Variants in SAMHD1 observed in about 807,000 individuals in gnomAD.
SAMHD1 encodes deoxynucleoside triphosphate triphosphohydrolase SAMHD1.
A neutral mutation model predicts 79.6 loss-of-function variants in SAMHD1; 54 were observed. The observed-to-expected ratio is 0.68, with a 90% confidence interval of 0.55 to 0.85. The LOEUF (loss-of-function observed/expected upper bound fraction) is 0.85. SAMHD1 is among the 40% of genes least tolerant of loss of function. SAMHD1 has a pLI of 0.00. For missense variants in SAMHD1, 663 were observed against 782.7 expected, an observed-to-expected ratio of 0.85 and a Z score of 1.82; for synonymous variants, 260 against 264.1, an observed-to-expected ratio of 0.98 and a Z score of 0.15.
At chr20:36,911,529 G>A in intron 10 of SAMHD1, 196 bp from the exon 11 acceptor site, 1 of 567,170 alleles carries the variant, frequency 1.8e-6, no homozygotes, top group Non-Finnish European at 3.2e-6. Context: ...TCCAGGCACT[G>A]TCGCAGGGCT....
Position 36,951,659 on chromosome 20 carries a change from C to T in SAMHD1, c.-16G>A, listed in dbSNP as rs1229268335. On this transcript the variant is annotated 5_prime_UTR_variant, in exon 1 of 16. Coordinates refer to ENST00000646673, the MANE Select transcript of SAMHD1 (RefSeq NM_015474.4). ...CTCGCTGCATGGCTACACCTGGCGT[C>T]CGGCACAGCAGTCAAGAACCTCGGC... is the stretch of plus-strand genomic sequence containing the variant. 2.5e-6 allele frequency: 4 copies of T among 1,612,626 alleles called. No homozygotes were observed. The highest frequency in any genetic ancestry group is 1.7e-5 in the Admixed American group (1 of 60,030).
intron 3 of SAMHD1, 154 bp from the exon 4 acceptor site, chr20:36,935,343 T>A: frequency 1.5e-6 from 1 of 672,750 alleles, no homozygotes; most frequent in Non-Finnish European, 2.6e-6. Flanking sequence ...ATCATTACCT[T>A]ATTTAGGTAT....
At chr20:36,894,956 T>C (rs1237517135) in intron 15 of SAMHD1, among the ~76,000 whole-genome samples, 1 of 151,920 alleles carries the variant, frequency 6.6e-6, no homozygotes, top group Non-Finnish European at 1.5e-5. Context: ...CATTGCAGCC[T>C]CAGACTCCTA....
downstream of SAMHD1, chr20:36,889,869 TAACA>T (rs1990017768): frequency 7.2e-5 from 11 of 152,876 alleles, no homozygotes; most frequent in Admixed American, 7.2e-4. Flanking sequence ...CCCCAACTCT[TAACA>T]TTTTCATGTA....
chr20:36,931,545 G>A (rs905788651), intron 4 of SAMHD1, among the ~76,000 whole-genome samples: 1 of 152,126 alleles, frequency 6.6e-6, no homozygotes, highest in Admixed American at 6.6e-5. Flanking sequence ...GCTGAGGCAG[G>A]AGAATTGCTT....
rs567297100 is a variant in SAMHD1 at position 36,906,137 on chromosome 20, G to T, written c.1271-634C>A. ...ATTTATTGTTGACATGTTTTATTTT[G>T]TCTTTAAGAAAGAATGGTGGCTAGG... On this transcript the variant is annotated intron_variant, in intron 11 of 15. Coordinates refer to ENST00000646673, the MANE Select transcript of SAMHD1 (RefSeq NM_015474.4). Among the ~76,000 whole-genome samples the T allele has an allele frequency of 1.9e-3, 287 of 152,098 alleles. 1 individual carries two copies. The highest frequency in any genetic ancestry group is 6.4e-3 in the African/African-American group (267 of 41,524).
intron 11 of SAMHD1, among the ~76,000 whole-genome samples, chr20:36,905,898 G>A (rs905201823): frequency 4.6e-5 from 7 of 151,788 alleles, no homozygotes; most frequent in Non-Finnish European, 1.0e-4. Context: ...GCTTGACCCC[G>A]GAAAGTGGAG....
chr20:36,900,868 G>A (rs763052706), intron 13 of SAMHD1, among the ~76,000 whole-genome samples: 18 of 151,952 alleles, frequency 1.2e-4, no homozygotes, highest in Non-Finnish European at 1.8e-4. Context: ...CACCGTGCCC[G>A]GCCTATTACA....
At chr20:36,926,023 T>G (rs2063533933) in intron 6 of SAMHD1, among the ~76,000 whole-genome samples, 1 of 152,154 alleles carries the variant, frequency 6.6e-6, no homozygotes, top group Non-Finnish European at 1.5e-5. Flanking sequence ...TTTATTTTTA[T>G]AAAATAATGT....
In SAMHD1 at chr20:36,946,764, CTCA is replaced by C; in HGVS notation, c.246_248del (p.Asp82del). The C allele has an allele frequency of 6.2e-7, 1 of 1,613,162 alleles. No homozygotes were observed. The highest frequency in any genetic ancestry group is 1.1e-5 in the South Asian group (1 of 90,962). On this transcript the variant is annotated inframe_deletion, in exon 2 of 16. Coordinates refer to ENST00000646673, the MANE Select transcript of SAMHD1 (RefSeq NM_015474.4). The stretch of plus-strand genomic sequence containing the variant: ...TTACTCCAAGATTTTCAAAACGAGA[CTCA>C]TCAAGACAAGGCAGTAATGCGCCTG...
At chr20:36,950,374 C>T (rs923806595) in intron 1 of SAMHD1, among the ~76,000 whole-genome samples, 4 of 151,916 alleles carry the variant, frequency 2.6e-5, no homozygotes, top group Admixed American at 2.6e-4. Context: ...CCCATTCAAG[C>T]TATCTTTGGG....
At chr20:36,927,367 G>A in intron 5 of SAMHD1, 115 bp from the exon 6 acceptor site, 1 of 823,368 alleles carries the variant, frequency 1.2e-6, no homozygotes, top group Non-Finnish European at 2.0e-6. Flanking sequence ...GCCCAGGCTG[G>A]AGTGTAGTGG....
chr20:36,905,326 A>G, intron 12 of SAMHD1, 38 bp downstream of exon 12: 2 of 1,609,510 alleles, frequency 1.2e-6, no homozygotes, highest in Non-Finnish European at 1.7e-6. Context: ...GAGGACAGAG[A>G]TAACCTTTCA....
intron 12 of SAMHD1, chr20:36,905,108 A>G (rs758681936): frequency 2.4e-4 from 114 of 475,438 alleles, no homozygotes; most frequent in Middle Eastern, 2.4e-3. Context: ...GGATGAGATC[A>G]AAGATTTGGA....
intron 5 of SAMHD1, among the ~76,000 whole-genome samples, chr20:36,930,076 A>T (rs1323152653): frequency 1.3e-4 from 7 of 55,740 alleles, no homozygotes; most frequent in Non-Finnish European, 1.8e-4. Flanking sequence ...AAGGAAGAAA[A>T]AAAAAGACCA....
At chr20:36,931,009 C>T in intron 4 of SAMHD1, 134 bp from the exon 5 acceptor site, 1 of 695,416 alleles carries the variant, frequency 1.4e-6, no homozygotes, top group Non-Finnish European at 2.6e-6. Flanking sequence ...CAGTATATTT[C>T]AGAACTAGGC....
chr20:36,898,910 C>CAAAA (rs57902699), intron 13 of SAMHD1, among the ~76,000 whole-genome samples: 252 of 67,728 alleles, frequency 3.7e-3, no homozygotes, highest in East Asian at 6.0e-3. Flanking sequence ...GACTCTGACT[C>CAAAA]AAAAAAAAAA....
chr20:36,951,432 C>T lies in SAMHD1; in HGVS notation c.208+4G>A, dbSNP rs1273248542. The T allele has an allele frequency of 3.7e-6, 6 of 1,613,834 alleles. No individual in the cohort carries two copies. Among genetic ancestry groups the T allele is most frequent in the Non-Finnish European group, 5.1e-6 (6 of 1,179,930 alleles). On this transcript the variant is annotated splice_donor_region_variant and intron_variant, in intron 1 of 15. Transcript: ENST00000646673. ...TCGCCCCTCAGCCCCTCCGGAGCCG[C>T]TACCTCGGATGTTCTTCAGCAGCAC...
At chr20:36,935,432 G>T in intron 3 of SAMHD1, 2 of 513,702 alleles carry the variant, frequency 3.9e-6, no homozygotes, top group Non-Finnish European at 7.0e-6. Flanking sequence ...AGAAAAATAA[G>T]GATTTTGATT....
Sources: allele counts gnomAD v4.1 joint callset (sites outside exome capture counted in the v4.1 genomes callset), GRCh38; gene constraint gnomAD v4.1.1; transcripts MANE v1.5; gene names NCBI Gene and HGNC (gene_info 2026-07-23, HGNC 2026-07-21).